ARID1B: variants seen among roughly 807,000 people sequenced by gnomAD.
The protein encoded by ARID1B is AT-rich interaction domain 1B, also known as AT-rich interactive domain-containing protein 1B.
ARID1B carries 30 observed loss-of-function variants against 212.3 expected under a neutral mutation model. That is an observed-to-expected ratio of 0.14 (90% CI 0.11 to 0.19). ARID1B has a LOEUF of 0.19. ARID1B is among the 10% of genes least tolerant of loss of function. The pLI is 1.00. For synonymous variants in ARID1B, 1,402 were observed against 1,301.7 expected (o/e 1.08, Z -1.66); for missense variants, 2,891 against 3,204.0 (o/e 0.90, Z 2.36).
Position 156,989,640 on chromosome 6 carries a change from T to C in ARID1B, c.2247+54064T>C, listed in dbSNP as rs75483994. On this transcript the variant is annotated intron_variant, in intron 4 of 19. Transcript: ENST00000636930. ...ATCTCTAAGCCTCACTTTCCCCATC[T>C]GTAAAATGGAGATGATAATCTACCC... Among the ~76,000 whole-genome samples the C allele has an allele frequency of 5.9e-3, 897 of 152,340 alleles. 14 individuals are homozygous for C. The highest frequency in any genetic ancestry group is 0.021 in the African/African-American group (865 of 41,572).
intron 4 of ARID1B, among the ~76,000 whole-genome samples, chr6:156,959,872 C>A (rs1418037781): frequency 6.6e-6 from 1 of 151,766 alleles, no homozygotes; most frequent in East Asian, 1.9e-4. Context: ...TGTGCAGCTG[C>A]ACCTGTGTGC....
At chr6:157,078,211 A>G (rs532858915) in intron 4 of ARID1B, among the ~76,000 whole-genome samples, 36 of 152,304 alleles carry the variant, frequency 2.4e-4, no homozygotes, top group African/African-American at 8.2e-4. Flanking sequence ...TATGCATAGT[A>G]TCTGGAGCAC....
At chr6:156,999,263 G>A (rs1311341000) in intron 4 of ARID1B, among the ~76,000 whole-genome samples, 2 of 152,186 alleles carry the variant, frequency 1.3e-5, no homozygotes, top group African/African-American at 4.8e-5. Context: ...GGGATATGCT[G>A]GTTAACAGCA....
chr6:157,058,282 T>TG (rs36076094), intron 4 of ARID1B, among the ~76,000 whole-genome samples: 7,111 of 150,452 alleles, frequency 0.047, 249 homozygotes, highest in African/African-American at 0.11. Flanking sequence ...TTTTTTTTTT[T>TG]GAGACGAAGT....
intron 13 of ARID1B, chr6:157,185,618 T>C (rs563877004): frequency 6.6e-6 from 1 of 152,350 alleles, no homozygotes; most frequent in Non-Finnish European, 1.5e-5. Flanking sequence ...CATCTGGTGC[T>C]ACAGTATACA....
chr6:156,936,895 G>C (rs1483072021), intron 4 of ARID1B: 1 of 152,100 alleles, frequency 6.6e-6, no homozygotes, highest in Non-Finnish European at 1.5e-5. Flanking sequence ...TTTGACATGC[G>C]TACCATACCA....
chr6:157,121,221 A>G (rs1787687529), intron 6 of ARID1B, among the ~76,000 whole-genome samples: 1 of 152,184 alleles, frequency 6.6e-6, no homozygotes, highest in Non-Finnish European at 1.5e-5. Flanking sequence ...ACTTAGAGAT[A>G]TGTTTTCATT....
chr6:157,120,634 C>T (rs923575558), intron 6 of ARID1B, among the ~76,000 whole-genome samples: 1 of 152,136 alleles, frequency 6.6e-6, no homozygotes, highest in African/African-American at 2.4e-5. Context: ...AAGAGAAATG[C>T]CTCTGCCTGT....
intron 4 of ARID1B, among the ~76,000 whole-genome samples, chr6:157,004,897 CTTTT>C: frequency 1.8e-5 from 1 of 54,722 alleles, no homozygotes; most frequent in East Asian, 3.7e-4. Context: ...CTTCTTTTTT[CTTTT>C]TTTTTTTTTT....
At chr6:156,815,048 C>T (rs976117865) in intron 1 of ARID1B, among the ~76,000 whole-genome samples, 5 of 152,086 alleles carry the variant, frequency 3.3e-5, no homozygotes, top group African/African-American at 7.2e-5. Context: ...TGCGTGCTTA[C>T]GTGTTTTGAG....
chr6:156,813,276 T>TC (rs1406303492), intron 1 of ARID1B, among the ~76,000 whole-genome samples: 1 of 150,662 alleles, frequency 6.6e-6, no homozygotes, highest in East Asian at 2.0e-4. Context: ...GCTAATTTTT[T>TC]TTTTTTTTTT....
intron 1 of ARID1B, among the ~76,000 whole-genome samples, chr6:156,782,310 G>A (rs1482825436): frequency 6.6e-6 from 1 of 151,774 alleles, no homozygotes; most frequent in Non-Finnish European, 1.5e-5. Context: ...GTTTCTATTG[G>A]GTGGCAAATG....
intron 5 of ARID1B, among the ~76,000 whole-genome samples, chr6:157,103,948 G>A (rs959980200): frequency 3.4e-5 from 5 of 147,336 alleles, no homozygotes; most frequent in Non-Finnish European, 5.9e-5. Context: ...TGATTCTCCC[G>A]CCTCAGCCTC....
At chr6:156,818,096 C>T (rs117721175) in intron 1 of ARID1B, among the ~76,000 whole-genome samples, 2,086 of 69,452 alleles carry the variant, frequency 0.03, 28 homozygotes, top group Middle Eastern at 0.059. Flanking sequence ...TTTAGTTGCC[C>T]TATTTTTTTT....
At chr6:157,125,407 C>T (rs1174298649) in intron 6 of ARID1B, among the ~76,000 whole-genome samples, 1 of 152,152 alleles carries the variant, frequency 6.6e-6, no homozygotes, top group Non-Finnish European at 1.5e-5. Context: ...AGTTAAAATT[C>T]TAAACCAGCC....
chr6:156,991,024 C>T (rs1219776206), intron 4 of ARID1B, among the ~76,000 whole-genome samples: 1 of 152,180 alleles, frequency 6.6e-6, no homozygotes, highest in East Asian at 1.9e-4. Flanking sequence ...ATTTAATTTT[C>T]ATGACATTCC....
chr6:156,801,918 G>A (rs937085961), intron 1 of ARID1B, among the ~76,000 whole-genome samples: 1 of 152,128 alleles, frequency 6.6e-6, no homozygotes, highest in African/African-American at 2.4e-5. Flanking sequence ...AAAAAAAATC[G>A]AATTGCTTTC....
In ARID1B at chr6:157,209,233, G is replaced by T. The variant is rs556787824; in HGVS notation, c.*1342G>T. ...AATCTTTATATGTTCCACATGTTAAGAATAAATGTACATTAAATCTTGTTA... is the reference window on the plus strand; with the variant it reads ...AATCTTTATATGTTCCACATGTTAATAATAAATGTACATTAAATCTTGTTA... On this transcript the variant is annotated 3_prime_UTR_variant, in exon 20 of 20. Transcript: ENST00000636930. The T allele has an allele frequency of 4.3e-6, 1 of 230,746 alleles. No homozygotes were observed. Among genetic ancestry groups the T allele is most frequent in the East Asian group, 6.2e-5 (1 of 16,126 alleles). The allele number at this position is 230,746 out of a possible 1,614,324, so 14.3% of individuals were successfully genotyped here.
At chr6:156,823,310 G>A (rs951159246) in intron 1 of ARID1B, among the ~76,000 whole-genome samples, 3 of 152,130 alleles carry the variant, frequency 2.0e-5, no homozygotes, top group African/African-American at 7.2e-5. Context: ...TGAATTTAAT[G>A]TTCATAATAA....
Sources: allele counts gnomAD v4.1 joint callset (sites outside exome capture counted in the v4.1 genomes callset), GRCh38; gene constraint gnomAD v4.1.1; transcripts MANE v1.5; gene names NCBI Gene and HGNC (gene_info 2026-07-23, HGNC 2026-07-21).